PRKG2: variants seen among roughly 807,000 people sequenced by gnomAD.
PRKG2 encodes the protein cGMP-dependent protein kinase 2.
A neutral mutation model predicts 97.2 loss-of-function variants in PRKG2; 33 were observed. That is an observed-to-expected ratio of 0.34 (90% CI 0.26 to 0.45). The LOEUF (loss-of-function observed/expected upper bound fraction) is 0.45, where lower values mean the gene tolerates loss of function less well. Ranked by LOEUF, PRKG2 falls within the 20% of genes least tolerant of loss-of-function variation. PRKG2 has a pLI of 1.00. For synonymous variants in PRKG2, 330 were observed against 321.8 expected, an observed-to-expected ratio of 1.03 and a Z score of -0.27; for missense variants, 638 against 900.0, an observed-to-expected ratio of 0.71 and a Z score of 3.73.
rs958364389 is a variant in PRKG2, at chr4:81,130,834, C to G, written c.1776+4321G>C. Reference sequence around the variant, plus strand: ...TCGGTAATAGTTGATGCCCCTCCCCCCACCAAGCTCGAGCATCCCAGGTCG... The same window carrying G: ...TCGGTAATAGTTGATGCCCCTCCCCGCACCAAGCTCGAGCATCCCAGGTCG... On this transcript the variant is annotated intron_variant, in intron 14 of 18. Coordinates refer to ENST00000264399, the MANE Select transcript of PRKG2 (RefSeq NM_006259.3). Among the ~76,000 whole-genome samples the G allele has an allele frequency of 5.3e-5, 8 of 152,144 alleles. No individual in the cohort carries two copies. The East Asian group carries it at 7.7e-4, about 15-fold the overall frequency.
At chr4:81,216,535 T>TC (rs1463532913), upstream of PRKG2, among the ~76,000 whole-genome samples, 3 of 152,148 alleles carry the variant, frequency 2.0e-5, no homozygotes, top group Admixed American at 2.0e-4. Context: ...AGTCTTCACT[T>TC]TAAAAAAAAA....
intron 14 of PRKG2, among the ~76,000 whole-genome samples, chr4:81,121,128 T>C (rs539145597): frequency 8.5e-5 from 13 of 152,370 alleles, no homozygotes; most frequent in Non-Finnish European, 1.5e-4. Context: ...CAGTCTTGAA[T>C]ACCTGGAATA....
intron 8 of PRKG2, among the ~76,000 whole-genome samples, chr4:81,149,722 C>T (rs1185960437): frequency 2.6e-5 from 4 of 152,216 alleles, no homozygotes; most frequent in South Asian, 2.1e-4. Context: ...GACACACACA[C>T]AAAAGGTACA....
intron 15 of PRKG2, among the ~76,000 whole-genome samples, chr4:81,109,053 T>C (rs1163555607): frequency 6.6e-6 from 1 of 152,198 alleles, no homozygotes; most frequent in Non-Finnish European, 1.5e-5. Context: ...GAGAAACAAA[T>C]TTTTGAAATA....
chr4:81,094,313 T>A (rs1247847160), intron 17 of PRKG2, among the ~76,000 whole-genome samples: 2 of 152,160 alleles, frequency 1.3e-5, no homozygotes, highest in Non-Finnish European at 2.9e-5. Flanking sequence ...AACTGTATTG[T>A]TTTTAAATAC....
chr4:81,216,375 A>G (rs1754273665), upstream of PRKG2, among the ~76,000 whole-genome samples: 1 of 152,122 alleles, frequency 6.6e-6, no homozygotes, highest in African/African-American at 2.4e-5. Flanking sequence ...CTCAAAAAAA[A>G]AAAAATTAGA....
chr4:81,214,549 G>C (rs1038323089), intron 1 of PRKG2, among the ~76,000 whole-genome samples: 12 of 151,982 alleles, frequency 7.9e-5, no homozygotes, highest in Admixed American at 5.2e-4. Flanking sequence ...CCCAGAGCTC[G>C]ACGAAGCAAA....
chr4:81,196,689 A>G (rs1174618376), intron 2 of PRKG2, among the ~76,000 whole-genome samples: 1 of 151,912 alleles, frequency 6.6e-6, no homozygotes, highest in East Asian at 1.9e-4. Flanking sequence ...GGGGACCCTG[A>G]TGACTCGCAT....
chr4:81,198,562 G>A (rs1041959084), intron 2 of PRKG2, among the ~76,000 whole-genome samples: 1 of 151,920 alleles, frequency 6.6e-6, no homozygotes, highest in Admixed American at 6.6e-5. Context: ...CACACTGTAG[G>A]CTGCACAGGC....
At chr4:81,112,156 A>G (rs1744056370) in intron 14 of PRKG2, among the ~76,000 whole-genome samples, 1 of 152,192 alleles carries the variant, frequency 6.6e-6, no homozygotes, top group South Asian at 2.1e-4. Flanking sequence ...TTATCACACA[A>G]CAGCAAGGAT....
At chr4:81,169,627 C>T (rs1460709536) in intron 5 of PRKG2, 36 bp downstream of exon 5, 1 of 1,398,952 alleles carries the variant, frequency 7.1e-7, no homozygotes. Context: ...ATGGCGACTC[C>T]ACTGTCTTCA....
At chr4:81,114,179 C>T (rs1300114688) in intron 14 of PRKG2, among the ~76,000 whole-genome samples, 1 of 152,056 alleles carries the variant, frequency 6.6e-6, no homozygotes, top group African/African-American at 2.4e-5. Context: ...GGTTCTGTAA[C>T]ACTTTTTATA....
rs1747180286 is a variant in PRKG2, at chr4:81,140,562, T to C, written c.1515A>G (p.Leu505=). Residue 505 remains leucine, a synonymous_variant, in exon 12 of 19, where the codon CTA becomes CTG. Coordinates refer to ENST00000264399, the MANE Select transcript of PRKG2 (RefSeq NM_006259.3). ...QEHVYSEKRI[L]EELCSPFIVK... ...CAATGAATGGAGAGCACAGCTCCTC[T>C]AGGATCCTCTTCTCTGAGTAGACAT... 3 of 1,609,990 alleles carry C rather than the reference T, an allele frequency of 1.9e-6. No homozygotes were observed. Among genetic ancestry groups the C allele is most frequent in the Non-Finnish European group, 2.5e-6 (3 of 1,177,234 alleles).
At chr4:81,153,842 T>A (rs1748675568) in intron 6 of PRKG2, 121 bp from the exon 7 acceptor site, 1 of 686,518 alleles carries the variant, frequency 1.5e-6, no homozygotes, top group East Asian at 2.9e-5. Context: ...TTTCTGTATT[T>A]CCATCTGAGG....
rs559326843 is a variant in PRKG2, at chr4:81,131,334, G to A, written c.1776+3821C>T. ...AACCAGTCCTAATGAGATAAGCTGG[G>A]TATCTCAGTTAGAAATGCAGAAATC... On this transcript the variant is annotated intron_variant, in intron 14 of 18. Transcript: ENST00000264399. 2.0e-5 allele frequency among the ~76,000 whole-genome samples: 3 copies of A among 149,342 alleles called. No homozygotes were observed. In the South Asian group the frequency reaches 6.2e-4, roughly 31 times the overall value.
At chr4:81,149,190 G>A (rs918056642) in intron 8 of PRKG2, among the ~76,000 whole-genome samples, 4 of 152,132 alleles carry the variant, frequency 2.6e-5, no homozygotes, top group Non-Finnish European at 4.4e-5. Context: ...TGGGAACAGA[G>A]AAGAATAAGT....
chr4:81,175,322 C>T (rs1043938665), intron 2 of PRKG2: 3 of 170,788 alleles, frequency 1.8e-5, no homozygotes, highest in Non-Finnish European at 3.7e-5. Flanking sequence ...ATTTAAGGGA[C>T]TACAATACAG....
chr4:81,142,401 G>A (rs530805944), intron 11 of PRKG2, among the ~76,000 whole-genome samples: 8 of 152,244 alleles, frequency 5.3e-5, no homozygotes, highest in African/African-American at 1.9e-4. Flanking sequence ...TCACCTCTAT[G>A]GCATTTTCAC....
intron 18 of PRKG2, among the ~76,000 whole-genome samples, chr4:81,091,056 G>C (rs1482445732): frequency 1.3e-5 from 2 of 151,964 alleles, no homozygotes. Flanking sequence ...AAATTCGAAG[G>C]CATTTAAAGA....
Sources: gnomAD v4.1 joint callset for allele counts (sites outside exome capture counted in the v4.1 genomes callset) on GRCh38, gnomAD v4.1.1 for gene constraint, MANE v1.5 for transcripts, NCBI Gene and HGNC (gene_info 2026-07-23, HGNC 2026-07-21) for gene names.